RASGEF1A: variants seen among roughly 807,000 people sequenced by gnomAD.
RASGEF1A encodes the protein RasGEF domain family member 1A.
RASGEF1A carries 18 observed loss-of-function variants against 56.4 expected under a neutral mutation model. That is an observed-to-expected ratio of 0.32 (90% CI 0.22 to 0.47). The LOEUF (loss-of-function observed/expected upper bound fraction) is 0.47, where lower values mean the gene tolerates loss of function less well. RASGEF1A is among the 20% of genes least tolerant of loss of function. The probability of loss-of-function intolerance (pLI) is 1.00; values close to 1 mark genes in which losing one functional copy is unlikely to be tolerated. For synonymous variants in RASGEF1A, 245 were observed against 242.6 expected (o/e 1.01, Z -0.09); for missense variants, 422 against 627.1 (o/e 0.67, Z 3.49).
At position 43,200,783 on chromosome 10, in the gene RASGEF1A, G is replaced by T; in HGVS notation, c.565C>A (p.Pro189Thr). 6.2e-7 allele frequency: 1 copy of T among 1,613,954 alleles called. No individual in the cohort carries two copies. Among genetic ancestry groups the T allele is most frequent in the Non-Finnish European group, 8.5e-7 (1 of 1,180,040 alleles). ...AGGATGGGCCCCTTGTCTACAGCCG[G>T]TGGCCGGAGCTTCTCTCGCAGTTCC... The part of the protein sequence containing the change: ...LQELREKLRP[P>T]AVDKGPILKT... Residue 189 changes from proline to threonine, a missense_variant, in exon 5 of 13, where the codon CCG (proline) becomes ACG (threonine). Coordinates refer to ENST00000395810, the MANE Select transcript of RASGEF1A (RefSeq NM_145313.4).
At position 43,199,123 on chromosome 10, in the gene RASGEF1A, G is replaced by A. The variant is rs772673426; in HGVS notation, c.921C>T (p.Ile307=). ...FIDVARECFN[I]GNFNSMMAII... is the part of the protein sequence containing the mutation. ...TGGCCATCATGGAGTTGAAGTTCCC[G>A]ATGTTGAAGCACTCCCGGGCCACAT... The change falls in exon 8 of 13, where the codon ATC becomes ATT. Residue 307 remains isoleucine, a synonymous_variant. Transcript: ENST00000395810. 3.5e-5 allele frequency: 56 copies of A among 1,613,714 alleles called. No homozygotes were observed. The highest frequency in any genetic ancestry group is 5.0e-5 in the Admixed American group (3 of 60,002).
chr10:43,197,589 G>A (rs1375664349), intron 10 of RASGEF1A, among the ~76,000 whole-genome samples: 1 of 152,052 alleles, frequency 6.6e-6, no homozygotes, highest in African/African-American at 2.4e-5. Flanking sequence ...TCCTCACCAG[G>A]TGCCCTCAGG....
chr10:43,261,774 G>A (rs916566510), intron 1 of RASGEF1A, among the ~76,000 whole-genome samples: 4 of 152,162 alleles, frequency 2.6e-5, no homozygotes, highest in East Asian at 1.9e-4. Context: ...AGCCTGGCTC[G>A]GGGCTGCACA....
chr10:43,235,768 C>CG (rs1295925449), intron 1 of RASGEF1A, among the ~76,000 whole-genome samples: 1 of 152,142 alleles, frequency 6.6e-6, no homozygotes, highest in African/African-American at 2.4e-5. Context: ...ATCCAGGGAT[C>CG]GGGGGGACAC....
chr10:43,251,994 C>T lies in RASGEF1A; in HGVS notation c.-7+14851G>A, dbSNP rs147721748. Among the ~76,000 whole-genome samples, 677 of 152,326 alleles carry T rather than the reference C, an allele frequency of 4.4e-3. 9 individuals carry two copies. Among genetic ancestry groups the T allele is most frequent in the African/African-American group, 0.014 (597 of 41,578 alleles). ...ACAGGGAGGCCCTGCTGGATGGTAG[C>T]GGCACCCTGAGGACACACAGGGTGG... On this transcript the variant is annotated intron_variant, in intron 1 of 12. Coordinates refer to ENST00000395810, the MANE Select transcript of RASGEF1A (RefSeq NM_145313.4).
chr10:43,230,124 TTACCCGGCCCCGGCCTCACCTGATCG>T (rs1840345830), intron 1 of RASGEF1A, among the ~76,000 whole-genome samples: 1 of 152,142 alleles, frequency 6.6e-6, no homozygotes, highest in African/African-American at 2.4e-5. Context: ...GGGATGCCTC[TTACCCGGCCCCGGCCTCACCTGATCG>T]TAGACGTCCA....
rs763163434 is a variant in RASGEF1A at position 43,198,096 on chromosome 10, C to T, written c.1132G>A (p.Val378Ile). The T allele has an allele frequency of 2.1e-5, 34 of 1,614,140 alleles. No individual in the cohort carries two copies. The highest frequency in any genetic ancestry group is 6.6e-5 in the South Asian group (6 of 91,078). The change falls in exon 10 of 13, where the codon GTC (valine) becomes ATC (isoleucine). Residue 378 changes from valine (V) to isoleucine (I), a missense_variant. By Grantham distance (29) the Val-to-Ile change is conservative. Coordinates refer to ENST00000395810, the MANE Select transcript of RASGEF1A (RefSeq NM_145313.4). Reference sequence around the variant, plus strand: ...ACGAAGAGGTTGAACACAGGGATGACGATCTTTTCACGGCTGCTGTTGGCC... The same window carrying T: ...ACGAAGAGGTTGAACACAGGGATGATGATCTTTTCACGGCTGCTGTTGGCC... ...QMANSSREKI[V>I]IPVFNLFVKD...
chr10:43,205,864 TC>T, intron 2 of RASGEF1A, 54 bp downstream of exon 2: 1 of 1,445,926 alleles, frequency 6.9e-7, no homozygotes, highest in Admixed American at 1.7e-5. Context: ...ACCCGACATC[TC>T]CTGGAGCCCA....
At chr10:43,248,498 T>C (rs920494898) in intron 1 of RASGEF1A, among the ~76,000 whole-genome samples, 5 of 152,198 alleles carry the variant, frequency 3.3e-5, no homozygotes, top group Non-Finnish European at 7.3e-5. Context: ...TATTTCAATT[T>C]CTTAGAAGAA....
At chr10:43,231,324 C>G (rs528935796) in intron 1 of RASGEF1A, among the ~76,000 whole-genome samples, 25 of 152,338 alleles carry the variant, frequency 1.6e-4, no homozygotes, top group African/African-American at 4.8e-4. Flanking sequence ...CCTGGGGAAG[C>G]CTTCGAGGCA....
At chr10:43,243,694 C>A (rs926494899) in intron 1 of RASGEF1A, among the ~76,000 whole-genome samples, 6 of 150,676 alleles carry the variant, frequency 4.0e-5, no homozygotes, top group Non-Finnish European at 8.9e-5. Flanking sequence ...AGGTGGGGAG[C>A]ACCTCTGCCC....
At chr10:43,228,327 CCTCCTTCACTGGTGGTCAGCACG>C (rs1474313228) in intron 1 of RASGEF1A, among the ~76,000 whole-genome samples, 1 of 152,224 alleles carries the variant, frequency 6.6e-6, no homozygotes, top group African/African-American at 2.4e-5. Context: ...CAGACAGCCC[CCTCCTTCACTGGTGGTCAGCACG>C]CTGGGCACCA....
chr10:43,220,771 C>T (rs1211368078), intron 1 of RASGEF1A, among the ~76,000 whole-genome samples: 1 of 142,710 alleles, frequency 7.0e-6, no homozygotes, highest in Non-Finnish European at 1.5e-5. Flanking sequence ...TGTGACAGAA[C>T]AAGACTCTGT....
chr10:43,258,462 C>T (rs1836465288), intron 1 of RASGEF1A, among the ~76,000 whole-genome samples: 1 of 152,236 alleles, frequency 6.6e-6, no homozygotes, highest in South Asian at 2.1e-4. Context: ...ACCCAGTGCC[C>T]CACCTACCTC....
intron 1 of RASGEF1A, among the ~76,000 whole-genome samples, chr10:43,244,129 G>T (rs560918173): frequency 1.3e-5 from 2 of 152,300 alleles, no homozygotes; most frequent in Admixed American, 1.3e-4. Context: ...GTCAACTCAG[G>T]GTTAAATGGA....
intron 1 of RASGEF1A, among the ~76,000 whole-genome samples, chr10:43,248,845 A>C (rs1397410203): frequency 6.6e-6 from 1 of 152,182 alleles, no homozygotes; most frequent in Non-Finnish European, 1.5e-5. Flanking sequence ...AACATGACCC[A>C]CAGAGTCCTG....
chr10:43,196,239 C>T lies in RASGEF1A; in HGVS notation c.*5G>A. ...CTTCCTCTGGCGTCGCGGGCTGCAT[C>T]CGCCTCAGGCTCTGTTCAGAAGGGT... On this transcript the variant is annotated 3_prime_UTR_variant, in exon 13 of 13. Coordinates refer to ENST00000395810, the MANE Select transcript of RASGEF1A (RefSeq NM_145313.4). The surrounding 1 kb of genome is among the most constrained non-coding windows in gnomAD (Gnocchi z 4.6). The T allele has an allele frequency of 6.2e-7, 1 of 1,612,880 alleles. No individual in the cohort carries two copies. The highest frequency in any genetic ancestry group is 8.5e-7 in the Non-Finnish European group (1 of 1,179,194).
chr10:43,248,886 G>A (rs1201086140), intron 1 of RASGEF1A, among the ~76,000 whole-genome samples: 1 of 135,600 alleles, frequency 7.4e-6, no homozygotes, highest in East Asian at 2.1e-4. Flanking sequence ...GTCAAGGGGA[G>A]ACACAAATAC....
Position 43,258,370 on chromosome 10 carries a change from A to G in RASGEF1A, c.-7+8475T>C, listed in dbSNP as rs75196324. On this transcript the variant is annotated intron_variant, in intron 1 of 12. Coordinates refer to ENST00000395810, the MANE Select transcript of RASGEF1A (RefSeq NM_145313.4). ...TGTGGAAGGTGAAGTCGCCCCTCCT[A>G]ATATGGCAGCAGGAGGGTGAAGTCT... 9.9e-5 allele frequency among the ~76,000 whole-genome samples: 15 copies of G among 152,200 alleles called. No homozygotes were observed. The East Asian group carries it at 2.3e-3, about 24-fold the overall frequency.
Sources: gnomAD v4.1 joint callset for allele counts (sites outside exome capture counted in the v4.1 genomes callset) on GRCh38, gnomAD v4.1.1 for gene constraint, Gnocchi (gnomAD v3.1) non-coding constraint, MANE v1.5 for transcripts, NCBI Gene and HGNC (gene_info 2026-07-23, HGNC 2026-07-21) for gene names.